The following TCF12 variants were observed in gnomAD, a reference collection of about 807,000 sequenced individuals.
TCF12 encodes transcription factor 12.
Under a neutral mutation model 86.0 loss-of-function variants are expected in TCF12, and 45 were observed. The observed-to-expected ratio is 0.52, with a 90% CI of 0.41 to 0.67. The LOEUF is 0.67. Ranked by LOEUF, TCF12 falls within the 30% of genes least tolerant of loss-of-function variation. The pLI, the probability that TCF12 is intolerant of heterozygous loss-of-function variation, is 0.00. For missense variants in TCF12, 881 were observed against 859.9 expected (o/e 1.02, Z -0.31); for synonymous variants, 330 against 299.6 (o/e 1.10, Z -1.05).
At position 57,231,201 on chromosome 15, in the gene TCF12, G is replaced by T; in HGVS notation, c.629G>T (p.Ser210Ile). 1 of 1,613,170 alleles carries T rather than the reference G, an allele frequency of 6.2e-7. No homozygotes were observed. Among genetic ancestry groups the T allele is most frequent in the Non-Finnish European group, 8.5e-7 (1 of 1,179,376 alleles). ...NSDDFNRESP[S>I]YPSPKPPTSM... is the part of the protein sequence containing the mutation. ...GATGATTTCAACCGTGAATCTCCTAGTTATCCATCTCCTAAGCCACCAACC... is the reference window on the plus strand; with the variant it reads ...GATGATTTCAACCGTGAATCTCCTATTTATCCATCTCCTAAGCCACCAACC... Residue 210 changes from serine to isoleucine, a missense_variant, in exon 9 of 21, where the codon AGT becomes ATT. Ser to Ile is a moderately radical substitution (Grantham distance 142). Around this residue, in one of 3 missense-constraint regions of TCF12, gnomAD observed 766 missense variants for 718.9 expected, o/e 1.07. Transcript: ENST00000333725.
chr15:57,034,394 A>G (rs2066380148), intron 3 of TCF12, among the ~76,000 whole-genome samples: 1 of 152,010 alleles, frequency 6.6e-6, no homozygotes, highest in Non-Finnish European at 1.5e-5. Flanking sequence ...TCGAGTTTGT[A>G]GCTGTACTCA....
chr15:57,253,131 T>C (rs2060195070), intron 15 of TCF12, 131 bp from the exon 16 acceptor site: 2 of 879,428 alleles, frequency 2.3e-6, no homozygotes, highest in Non-Finnish European at 3.5e-6. Flanking sequence ...GTTCAGGTGG[T>C]TGCTTTTGAA....
At chr15:57,271,065 C>T (rs8032470) in intron 18 of TCF12, among the ~76,000 whole-genome samples, 3 of 152,184 alleles carry the variant, frequency 2.0e-5, no homozygotes, top group Admixed American at 2.0e-4. Context: ...TATCAGAGCT[C>T]GAATGCCATG....
At chr15:56,988,276 G>C (rs1595983549) in intron 3 of TCF12, among the ~76,000 whole-genome samples, 2 of 152,072 alleles carry the variant, frequency 1.3e-5, no homozygotes, top group Non-Finnish European at 2.9e-5. Context: ...ATAAACCTAG[G>C]GGGTATATAG....
chr15:57,002,448 T>A (rs1290959424), intron 3 of TCF12, among the ~76,000 whole-genome samples: 4 of 152,216 alleles, frequency 2.6e-5, no homozygotes, highest in African/African-American at 9.6e-5. Context: ...ACAAATATTA[T>A]CCACCTAACA....
At chr15:57,141,640 C>T (rs977830130) in intron 5 of TCF12, among the ~76,000 whole-genome samples, 9 of 152,260 alleles carry the variant, frequency 5.9e-5, no homozygotes, top group African/African-American at 2.2e-4. Flanking sequence ...TGAGCCACTG[C>T]GCCCAGACCA....
chr15:57,271,051 C>G (rs2061117244), intron 18 of TCF12, among the ~76,000 whole-genome samples: 1 of 152,218 alleles, frequency 6.6e-6, no homozygotes, highest in South Asian at 2.1e-4. Flanking sequence ...GGCAGTCTCT[C>G]CATTATCAGA....
intron 11 of TCF12, among the ~76,000 whole-genome samples, chr15:57,233,584 AC>A (rs1440777682): frequency 6.7e-6 from 1 of 149,568 alleles, no homozygotes; most frequent in Non-Finnish European, 1.5e-5. Context: ...CTCAGGTGAT[AC>A]CCCAGCTTCA....
At chr15:57,219,554 CA>C in intron 8 of TCF12, 1 of 1,613,538 alleles carries the variant, frequency 6.2e-7, no homozygotes, top group African/African-American at 1.3e-5. Flanking sequence ...CTGGAATGGG[CA>C]GCAATTCTTT....
intron 5 of TCF12, among the ~76,000 whole-genome samples, chr15:57,139,732 G>T (rs1034467616): frequency 4.6e-5 from 7 of 152,058 alleles, no homozygotes; most frequent in African/African-American, 1.7e-4. Context: ...ATGTTTAGGG[G>T]CTAGGAATAT....
At position 57,187,383 on chromosome 15, in the gene TCF12, A is replaced by G. The variant is rs1247155719; in HGVS notation, c.391-4775A>G. 8.5e-5 allele frequency among the ~76,000 whole-genome samples: 13 copies of G among 152,314 alleles called. No homozygotes were observed. In the East Asian group the frequency reaches 2.3e-3, roughly 27 times the overall value. ...AGTGTTTTCTACTTTTACTGATTAC[A>G]TTCAGCATTGTACTGGAAATTCTAA... is the stretch of plus-strand genomic sequence containing the variant. On this transcript the variant is annotated intron_variant, in intron 6 of 20. Coordinates refer to ENST00000333725, the MANE Select transcript of TCF12 (RefSeq NM_207037.2).
intron 5 of TCF12, among the ~76,000 whole-genome samples, chr15:57,153,034 T>C (rs2053876191): frequency 6.6e-6 from 1 of 152,224 alleles, no homozygotes; most frequent in African/African-American, 2.4e-5. Context: ...ATGATAGTGA[T>C]ATCTCTAATG....
At chr15:56,932,748 A>G (rs2060302726) in intron 3 of TCF12, among the ~76,000 whole-genome samples, 2 of 152,004 alleles carry the variant, frequency 1.3e-5, no homozygotes, top group Non-Finnish European at 2.9e-5. Flanking sequence ...AATTTTTGGT[A>G]GAGACAGGGT....
At chr15:56,940,077 G>C (rs1595766192) in intron 3 of TCF12, among the ~76,000 whole-genome samples, 2 of 149,944 alleles carry the variant, frequency 1.3e-5, no homozygotes, top group South Asian at 4.2e-4. Context: ...ATTGGCTAGA[G>C]GAGCTCTGTT....
intron 18 of TCF12, among the ~76,000 whole-genome samples, chr15:57,267,499 C>A (rs2060924220): frequency 6.6e-6 from 1 of 152,254 alleles, no homozygotes; most frequent in East Asian, 1.9e-4. Flanking sequence ...CCATATTCAT[C>A]TTCTTATAGA....
chr15:57,209,352 T>C (rs1157304483), intron 8 of TCF12, among the ~76,000 whole-genome samples: 1 of 152,170 alleles, frequency 6.6e-6, no homozygotes, highest in Non-Finnish European at 1.5e-5. Flanking sequence ...AAATTACAGG[T>C]AATTCAGCCA....
At position 57,226,243 on chromosome 15, in the gene TCF12, C is replaced by T. The variant is rs187259696; in HGVS notation, c.580-4909C>T. Among the ~76,000 whole-genome samples, 56 of 148,104 alleles carry T rather than the reference C, an allele frequency of 3.8e-4. 1 individual carries two copies. In the East Asian group the frequency reaches 4.3e-3, roughly 11 times the overall value. ...TTTTCTCAAGGTTTTAGGTACTTAG[C>T]TAGATCTTGTAAAGTTTTTATTGTT... On this transcript the variant is annotated intron_variant, in intron 8 of 20. Coordinates refer to ENST00000333725, the MANE Select transcript of TCF12 (RefSeq NM_207037.2).
In TCF12 at chr15:56,921,042, T is replaced by A. The variant is rs150851735; in HGVS notation, c.92T>A (p.Val31Asp). Residue 31 changes from valine to aspartate, a missense_variant, in exon 3 of 21, where the codon GTT becomes GAT. Physicochemically the swap from Val to Asp is radical, Grantham distance 152 (BLOSUM62 -3). This residue lies in a region of TCF12 where 766 missense variants were observed against 718.9 expected (regional missense o/e 1.07). Coordinates refer to ENST00000333725, the MANE Select transcript of TCF12 (RefSeq NM_207037.2). The stretch of plus-strand genomic sequence containing the variant: ...ATTTTGCAGATGTTTTCCCCACCTG[T>A]TAATAGTGGGAAAACTAGACCAACT... ...LDFSAMFSPP[V>D]NSGKTRPTTL... is the part of the protein sequence containing the mutation. 1 of 1,602,940 alleles carries A rather than the reference T, an allele frequency of 6.2e-7. No homozygotes were observed. The highest frequency in any genetic ancestry group is 8.5e-7 in the Non-Finnish European group (1 of 1,173,862).
At chr15:57,135,538 A>G (rs2052459635) in intron 5 of TCF12, among the ~76,000 whole-genome samples, 1 of 152,216 alleles carries the variant, frequency 6.6e-6, no homozygotes, top group South Asian at 2.1e-4. Context: ...TGTAGACATA[A>G]ATGATCAAGC....
Sources: allele counts gnomAD v4.1 joint callset (sites outside exome capture counted in the v4.1 genomes callset), GRCh38; gene constraint gnomAD v4.1.1; regional missense constraint gnomAD v4.1.1; transcripts MANE v1.5; gene names NCBI Gene and HGNC (gene_info 2026-07-23, HGNC 2026-07-21).